TRPM2: variants seen among roughly 807,000 people sequenced by gnomAD.
TRPM2 encodes the protein estrogen-responsive element-associated gene 1 protein.
TRPM2 carries 161 observed loss-of-function variants against 174.0 expected under a neutral mutation model. The observed-to-expected ratio is 0.93, with a 90% confidence interval of 0.81 to 1.05. The LOEUF (loss-of-function observed/expected upper bound fraction) is 1.05, where lower values mean the gene tolerates loss of function less well. TRPM2 is among the 50% of genes least tolerant of loss of function. The pLI, the probability that TRPM2 is intolerant of heterozygous loss-of-function variation, is 0.00. For synonymous variants in TRPM2, 954 were observed against 861.3 expected (o/e 1.11, Z -1.88); for missense variants, 2,057 against 2,038.0 (o/e 1.01, Z -0.18).
rs1361224138 is a variant in TRPM2 at position 44,432,890 on chromosome 21, T to C, written c.3975-2241T>C. Among the ~76,000 whole-genome samples, 1 of 152,046 alleles carries C rather than the reference T, an allele frequency of 6.6e-6. No homozygotes were observed. Among genetic ancestry groups the C allele is most frequent in the African/African-American group, 2.4e-5 (1 of 41,372 alleles). ...TGCGCTTTGGGGTTGTGTGCGTAGG[T>C]TTATGGACGGGCCTATGCCTTGATG... is the stretch of plus-strand genomic sequence containing the variant. On this transcript the variant is annotated intron_variant, in intron 27 of 31. Transcript: ENST00000397928. The surrounding 1 kb of genome is among the most constrained non-coding windows in gnomAD (Gnocchi z 4.9).
rs2146214691 is a variant in TRPM2 at position 44,382,798 on chromosome 21, C to T, written c.1296C>T (p.Ala432=). The change falls in exon 9 of 32, where the codon GCC becomes GCT. Residue 432 remains alanine (A), a synonymous_variant. Coordinates refer to ENST00000397928, the MANE Select transcript of TRPM2 (RefSeq NM_003307.4). ...ATGGTCAGCAGGACGTGGATGTGGC[C>T]ATCTTGCAGGCCTTGCTGAAAGGTG... ...GKDGQQDVDV[A]ILQALLKASR... The T allele has an allele frequency of 6.2e-7, 1 of 1,613,638 alleles. No homozygotes were observed. The highest frequency in any genetic ancestry group is 2.2e-5 in the East Asian group (1 of 44,882).
chr21:44,397,705 A>G, intron 12 of TRPM2, 42 bp from the exon 13 acceptor site: 1 of 1,516,310 alleles, frequency 6.6e-7, no homozygotes, highest in Non-Finnish European at 8.9e-7. Context: ...GGCTGGGTTG[A>G]GCCTGGCTCT....
chr21:44,395,319 G>T, intron 11 of TRPM2, 95 bp from the exon 12 acceptor site: 2 of 1,464,814 alleles, frequency 1.4e-6, no homozygotes. Flanking sequence ...TGAGAAGGTC[G>T]GGGCTGGGGT....
intron 2 of TRPM2, among the ~76,000 whole-genome samples, chr21:44,363,173 T>C (rs1406784230): frequency 2.0e-5 from 3 of 152,254 alleles, no homozygotes; most frequent in African/African-American, 7.2e-5. Context: ...TTCACTCAGA[T>C]TGTAGCGTGT....
chr21:44,413,818 G>A (rs2050185164), intron 19 of TRPM2, 73 bp from the exon 20 acceptor site: 1 of 1,535,034 alleles, frequency 6.5e-7, no homozygotes, highest in Non-Finnish European at 8.9e-7. Context: ...AGGCCTCGAG[G>A]GCCCCCTCCT....
chr21:44,426,968 T>C (rs2050813263), intron 26 of TRPM2, 42 bp from the exon 27 acceptor site: 2 of 1,542,376 alleles, frequency 1.3e-6, no homozygotes, highest in African/African-American at 2.7e-5. Context: ...CTGTCCCACC[T>C]GCAACACGGG....
At position 44,435,144 on chromosome 21, in the gene TRPM2, C is replaced by G; in HGVS notation, c.3988C>G (p.Arg1330Gly). 6.2e-7 allele frequency: 1 copy of G among 1,613,008 alleles called. No individual in the cohort carries two copies. The highest frequency in any genetic ancestry group is 8.5e-7 in the Non-Finnish European group (1 of 1,179,238). ...QAGLPLNPMG[R>G]TGLRGRGSLS... Reference sequence around the variant, plus strand: ...TCTGCATCCCAGGAACCCCATGGGCCGCACAGGACTGCGTGGGCGCGGGAG... The same window carrying G: ...TCTGCATCCCAGGAACCCCATGGGCGGCACAGGACTGCGTGGGCGCGGGAG... The change falls in exon 28 of 32, where the codon CGC becomes GGC. Residue 1330 changes from arginine (R) to glycine (G), a missense_variant. By Grantham distance (125) the Arg-to-Gly change is moderately radical. Transcript: ENST00000397928.
chr21:44,414,038 A>G lies in TRPM2; in HGVS notation c.3110A>G (p.Asn1037Ser). Residue 1037 changes from asparagine (N) to serine (S), a missense_variant, in exon 20 of 32, where the codon AAC becomes AGC. Transcript: ENST00000397928. ...CTCTGCCTCTACCTGCTCTTCACCA[A>G]CATCCTGCTGCTCAACCTCCTCATC... Reference protein sequence around the residue: ...LLLCLYLLFTNILLLNLLIAM... With the variant: ...LLLCLYLLFTSILLLNLLIAM... 4.3e-6 allele frequency: 7 copies of G among 1,610,244 alleles called. No homozygotes were observed. The highest frequency in any genetic ancestry group is 5.9e-6 in the Non-Finnish European group (7 of 1,178,542).
chr21:44,435,678 C>T (rs1326074506), intron 28 of TRPM2, among the ~76,000 whole-genome samples: 1 of 146,030 alleles, frequency 6.8e-6, no homozygotes, highest in Non-Finnish European at 1.5e-5. Flanking sequence ...GGGACAGAGC[C>T]CCACACTCAC....
chr21:44,418,380 C>A (rs1371499384), intron 21 of TRPM2, 43 bp from the exon 22 acceptor site: 13 of 1,605,036 alleles, frequency 8.1e-6, no homozygotes, highest in African/African-American at 1.3e-5. Flanking sequence ...GGCCCACCTC[C>A]TGAGGATTCC....
chr21:44,403,909 G>A (rs569951982), intron 16 of TRPM2, among the ~76,000 whole-genome samples: 11 of 150,270 alleles, frequency 7.3e-5, no homozygotes, highest in African/African-American at 2.7e-4. Context: ...GCACACACAT[G>A]CATACACACA....
rs1437833510 is a variant in TRPM2 at position 44,366,461 on chromosome 21, C to T, written c.424-293C>T. 4.6e-5 allele frequency among the ~76,000 whole-genome samples: 7 copies of T among 151,934 alleles called. No individual in the cohort carries two copies. The highest frequency in any genetic ancestry group is 1.7e-4 in the African/African-American group (7 of 41,338). On this transcript the variant is annotated intron_variant, in intron 3 of 31. Coordinates refer to ENST00000397928, the MANE Select transcript of TRPM2 (RefSeq NM_003307.4). This position sits in a 1 kb window ranked among gnomAD's most constrained non-coding sequence, Gnocchi z 6.0. ...CATGTTTGGGAGGCGCTCCCAAAATCGAGAGGAAGAGGAAAAAGTGGGTGC... is the reference window on the plus strand; with the variant it reads ...CATGTTTGGGAGGCGCTCCCAAAATTGAGAGGAAGAGGAAAAAGTGGGTGC...
chr21:44,421,363 A>G (rs1223085989), intron 22 of TRPM2, among the ~76,000 whole-genome samples: 3 of 151,956 alleles, frequency 2.0e-5, no homozygotes, highest in Admixed American at 6.6e-5. Context: ...CTCCTGCCCT[A>G]TCCCAGACAT....
intron 5 of TRPM2, among the ~76,000 whole-genome samples, chr21:44,372,034 A>G (rs1375982318): frequency 6.6e-6 from 1 of 152,192 alleles, no homozygotes; most frequent in Non-Finnish European, 1.5e-5. Context: ...AGGCAGAAGA[A>G]TTGCTTGAAC....
chr21:44,411,649 T>G (rs2050110603), intron 19 of TRPM2, among the ~76,000 whole-genome samples: 1 of 152,178 alleles, frequency 6.6e-6, no homozygotes. Flanking sequence ...GGGACATCCT[T>G]GCTTTGCTCC....
chr21:44,416,498 G>C (rs2050284623), intron 20 of TRPM2: 1 of 158,376 alleles, frequency 6.3e-6, no homozygotes, highest in Non-Finnish European at 1.4e-5. Flanking sequence ...TGCACCCCTG[G>C]AGGGTCTGGC....
chr21:44,405,731 G>A (rs1482123243), intron 17 of TRPM2, among the ~76,000 whole-genome samples, 174 bp from the exon 18 acceptor site: 2 of 152,136 alleles, frequency 1.3e-5, no homozygotes, highest in Non-Finnish European at 1.5e-5. Flanking sequence ...AAAAGTGGGA[G>A]GCTCTATTCC....
chr21:44,379,186 T>C lies in TRPM2; in HGVS notation c.1204T>C (p.Trp402Arg). The C allele has an allele frequency of 6.2e-7, 1 of 1,612,892 alleles. No individual in the cohort carries two copies. Among genetic ancestry groups the C allele is most frequent in the Non-Finnish European group, 8.5e-7 (1 of 1,179,972 alleles). The change falls in exon 8 of 32, where the codon TGG becomes CGG. Residue 402 changes from tryptophan to arginine, a missense_variant. Coordinates refer to ENST00000397928, the MANE Select transcript of TRPM2 (RefSeq NM_003307.4). The part of the protein sequence containing the change: ...ETFTESRIVE[W>R]TKKIQDIVRR... The stretch of plus-strand genomic sequence containing the variant: ...CTTCACGGAAAGCAGGATTGTCGAG[T>C]GGACCAAAAAGGTGAGGCTGACGGG...
intron 29 of TRPM2, among the ~76,000 whole-genome samples, chr21:44,437,615 G>A (rs1157251782): frequency 1.3e-5 from 2 of 152,178 alleles, no homozygotes; most frequent in East Asian, 3.9e-4. Context: ...AGGGGCAGGG[G>A]CAGCGACAGG....
Sources: allele counts gnomAD v4.1 joint callset (sites outside exome capture counted in the v4.1 genomes callset), GRCh38; gene constraint gnomAD v4.1.1; non-coding constraint Gnocchi (gnomAD v3.1); transcripts MANE v1.5; gene names NCBI Gene and HGNC (gene_info 2026-07-23, HGNC 2026-07-21).